Variants in WWOX observed in about 807,000 individuals in gnomAD.
The protein encoded by WWOX is WW domain containing oxidoreductase.
WWOX carries 69 observed loss-of-function variants against 46.2 expected under a neutral mutation model. That is an observed-to-expected ratio of 1.49 (90% CI 1.23 to 1.82). WWOX has a LOEUF of 1.82. WWOX is among the 40% of genes most tolerant of loss of function. The pLI is 0.00. For synonymous variants in WWOX, 359 were observed against 202.6 expected (o/e 1.77, Z -6.56); for missense variants, 919 against 542.6 (o/e 1.69, Z -6.89).
At chr16:78,300,577 C>T (rs28703128) in intron 5 of WWOX, among the ~76,000 whole-genome samples, 5,862 of 151,508 alleles carry the variant, frequency 0.039, 195 homozygotes, top group African/African-American at 0.089. Context: ...CTCTTCCTTT[C>T]GCATCTGACA....
chr16:78,654,841 C>T (rs879740114), intron 8 of WWOX, among the ~76,000 whole-genome samples: 6 of 151,484 alleles, frequency 4.0e-5, no homozygotes, highest in Non-Finnish European at 8.8e-5. Context: ...TCAGTAGGGT[C>T]GTAAGGTCCC....
At chr16:78,289,236 A>G (rs2079820825) in intron 5 of WWOX, among the ~76,000 whole-genome samples, 1 of 152,124 alleles carries the variant, frequency 6.6e-6, no homozygotes, top group Non-Finnish European at 1.5e-5. Context: ...AGAGCTAATG[A>G]TTTTTTAAGG....
In WWOX at chr16:78,407,601, A is replaced by G. The variant is rs559198915; in HGVS notation, c.606-17269A>G. ...CCTTTCTCATCTCAGGTTTGAAATG[A>G]TATGTCTCATTCTTGGGTTCCTTGA... On this transcript the variant is annotated intron_variant, in intron 6 of 8. Coordinates refer to ENST00000566780, the MANE Select transcript of WWOX (RefSeq NM_016373.4). 3.3e-5 allele frequency among the ~76,000 whole-genome samples: 5 copies of G among 152,250 alleles called. No homozygotes were observed. In the East Asian group the frequency reaches 9.7e-4, roughly 30 times the overall value.
chr16:78,353,203 C>G (rs1044318053), intron 5 of WWOX, among the ~76,000 whole-genome samples: 1 of 152,184 alleles, frequency 6.6e-6, no homozygotes. Flanking sequence ...TTCATTGCTG[C>G]TTTGCAAAGA....
intron 8 of WWOX, among the ~76,000 whole-genome samples, chr16:79,060,105 TG>T (rs2048332234): frequency 6.6e-6 from 1 of 152,176 alleles, no homozygotes; most frequent in Non-Finnish European, 1.5e-5. Context: ...GTTAATCCAT[TG>T]TTGTTTCTGT....
rs916321097 is a variant in WWOX at position 78,197,946 on chromosome 16, AT to A, written c.516+33667del. Among the ~76,000 whole-genome samples the A allele has an allele frequency of 5.0e-3, 755 of 150,584 alleles. 8 individuals are homozygous for A. Among genetic ancestry groups the A allele is most frequent in the African/African-American group, 0.018 (727 of 40,984 alleles). On this transcript the variant is annotated intron_variant, in intron 5 of 8. Transcript: ENST00000566780. Reference sequence around the variant, plus strand: ...TCCCTGTACTGGTAGTTTTTCTTTTATTTTTTTTTTAAATTTCTTCCATTTT... The same window carrying A: ...TCCCTGTACTGGTAGTTTTTCTTTTATTTTTTTTTAAATTTCTTCCATTTT...
chr16:78,582,649 C>G (rs948186033), intron 8 of WWOX, among the ~76,000 whole-genome samples: 2 of 152,138 alleles, frequency 1.3e-5, no homozygotes, highest in Non-Finnish European at 2.9e-5. Context: ...AGCCCGATAC[C>G]TCTATCTCCG....
At chr16:78,961,740 T>G (rs2046274809) in intron 8 of WWOX, among the ~76,000 whole-genome samples, 3 of 152,182 alleles carry the variant, frequency 2.0e-5, no homozygotes, top group Non-Finnish European at 4.4e-5. Context: ...TCAGTAAGTC[T>G]GAGGAGGAAC....
intron 8 of WWOX, among the ~76,000 whole-genome samples, chr16:78,678,382 T>G (rs553674430): frequency 6.6e-6 from 1 of 152,290 alleles, no homozygotes; most frequent in East Asian, 1.9e-4. Flanking sequence ...TGTCTAAAAA[T>G]ATTTATCTAT....
At chr16:78,404,696 G>A (rs568124022) in intron 6 of WWOX, among the ~76,000 whole-genome samples, 5 of 152,288 alleles carry the variant, frequency 3.3e-5, no homozygotes, top group South Asian at 4.1e-4. Flanking sequence ...CCATCCAAGG[G>A]CACTATGTTG....
At chr16:78,369,488 G>A (rs1031996231) in intron 5 of WWOX, among the ~76,000 whole-genome samples, 1 of 152,174 alleles carries the variant, frequency 6.6e-6, no homozygotes, top group Non-Finnish European at 1.5e-5. Flanking sequence ...GTAGGGTCGA[G>A]TCTCCTCAGG....
In WWOX at chr16:78,338,348, C is replaced by A. The variant is rs149177014; in HGVS notation, c.517-48512C>A. 6.1e-3 allele frequency among the ~76,000 whole-genome samples: 739 copies of A among 121,500 alleles called. 163 individuals are homozygous for A. Among genetic ancestry groups the A allele is most frequent in the African/African-American group, 0.02 (706 of 35,884 alleles). The allele number at this position is 121,500 out of a possible 152,430, so 79.7% of individuals were successfully genotyped here. ...TGAGAGTTTGAATAGTATGTGAAGT[C>A]TGTAGAGACAAAATTGTTGTTTTCC... On this transcript the variant is annotated intron_variant, in intron 5 of 8. Transcript: ENST00000566780.
chr16:78,467,990 TG>T (rs1012000983), intron 8 of WWOX, among the ~76,000 whole-genome samples: 1 of 152,136 alleles, frequency 6.6e-6, no homozygotes, highest in Admixed American at 6.5e-5. Context: ...ATCTTGGGGA[TG>T]GGGGGTTCCA....
intron 8 of WWOX, among the ~76,000 whole-genome samples, chr16:79,156,457 A>G (rs932821228): frequency 6.6e-6 from 1 of 152,206 alleles, no homozygotes; most frequent in South Asian, 2.1e-4. Flanking sequence ...CACCGCTCCC[A>G]GCAACAATTG....
At chr16:78,660,075 C>G (rs748014827) in intron 8 of WWOX, among the ~76,000 whole-genome samples, 1 of 152,064 alleles carries the variant, frequency 6.6e-6, no homozygotes. Flanking sequence ...AGTTGTTTAT[C>G]TTCTCTGTGC....
intron 8 of WWOX, among the ~76,000 whole-genome samples, chr16:78,870,249 T>C (rs978961015): frequency 6.6e-6 from 1 of 152,192 alleles, no homozygotes; most frequent in African/African-American, 2.4e-5. Flanking sequence ...GGTTTCTGTT[T>C]TGCTTGATGA....
rs58307925 is a variant in WWOX, at chr16:78,293,931, C to T, written c.517-92929C>T. Among the ~76,000 whole-genome samples the T allele has an allele frequency of 0.021, 2,570 of 119,582 alleles. 177 individuals carry two copies. The East Asian group carries it at 0.23, about 11-fold the overall frequency. 78.5% of individuals were successfully genotyped at this position (119,582 alleles called of 152,430 possible). A position where few individuals can be genotyped will look rare whatever the true frequency, so the allele number is the denominator to read the frequency against. On this transcript the variant is annotated intron_variant, in intron 5 of 8. Transcript: ENST00000566780. The stretch of plus-strand genomic sequence containing the variant: ...GGCAGAGGTTGCAGTGAGCCGATGT[C>T]ATATCACTGCACTCTAGCCTGGGCG...
chr16:78,679,650 C>G (rs555669601), intron 8 of WWOX, among the ~76,000 whole-genome samples: 55 of 152,330 alleles, frequency 3.6e-4, no homozygotes, highest in African/African-American at 1.2e-3. Context: ...AGCTCCTATT[C>G]CTGTTTCCTT....
chr16:78,847,148 A>G (rs1182263086), intron 8 of WWOX, among the ~76,000 whole-genome samples: 1 of 152,176 alleles, frequency 6.6e-6, no homozygotes, highest in Non-Finnish European at 1.5e-5. Context: ...CTCATTCTCC[A>G]TGGAGGCTTG....
Sources: gnomAD v4.1 joint callset for allele counts (sites outside exome capture counted in the v4.1 genomes callset) on GRCh38, gnomAD v4.1.1 for gene constraint, MANE v1.5 for transcripts, NCBI Gene and HGNC (gene_info 2026-07-23, HGNC 2026-07-21) for gene names.